The following KIFC1 variants were observed in gnomAD, a reference collection of about 807,000 sequenced individuals.
KIFC1 encodes the protein kinesin-like protein KIFC1.
KIFC1 carries 37 observed loss-of-function variants against 66.6 expected under a neutral mutation model. That is an observed-to-expected ratio of 0.56 (90% CI 0.43 to 0.73). The LOEUF is 0.73. Ranked by LOEUF, KIFC1 falls within the 30% of genes least tolerant of loss-of-function variation. The probability of loss-of-function intolerance (pLI) is 0.00; values close to 1 mark genes in which losing one functional copy is unlikely to be tolerated. For synonymous variants in KIFC1, 325 were observed against 343.5 expected, an observed-to-expected ratio of 0.95 and a Z score of 0.60; for missense variants, 721 against 859.8, an observed-to-expected ratio of 0.84 and a Z score of 2.02.
intron 10 of KIFC1, among the ~76,000 whole-genome samples, chr6:33,409,082 C>G (rs1419204852): frequency 2.0e-5 from 3 of 152,174 alleles, no homozygotes; most frequent in African/African-American, 7.2e-5. Context: ...GGCAGAATGG[C>G]TTGAACCCGG....
chr6:33,409,419 T>G (rs1169644218), intron 10 of KIFC1, among the ~76,000 whole-genome samples: 3 of 152,194 alleles, frequency 2.0e-5, no homozygotes, highest in Admixed American at 6.5e-5. Flanking sequence ...TCTCTGCTCC[T>G]GTATTTTCTT....
intron 3 of KIFC1, among the ~76,000 whole-genome samples, chr6:33,399,895 C>A (rs1009956161): frequency 6.6e-6 from 1 of 152,082 alleles, no homozygotes; most frequent in African/African-American, 2.4e-5. Context: ...AAAAATAGTT[C>A]TTTTATAATA....
rs764126867 is a variant in KIFC1 at position 33,405,029 on chromosome 6, C to T, written c.934C>T (p.Arg312Cys). The T allele has an allele frequency of 2.5e-6, 4 of 1,614,144 alleles. No individual in the cohort carries two copies. Among genetic ancestry groups the T allele is most frequent in the African/African-American group, 1.3e-5 (1 of 75,040 alleles). ...GCTGCAGGAACTCAAGGGCAACATC[C>T]GTGTATTCTGCCGGGTCCGCCCTGT... is the stretch of plus-strand genomic sequence containing the variant. The part of the protein sequence containing the change: ...NQLQELKGNI[R>C]VFCRVRPVLP... The change falls in exon 7 of 11, where the codon CGT (arginine) becomes TGT (cysteine). Residue 312 changes from arginine to cysteine, a missense_variant. Physicochemically the swap from Arg to Cys is radical, Grantham distance 180 (BLOSUM62 -3). Coordinates refer to ENST00000428849, the MANE Select transcript of KIFC1 (RefSeq NM_002263.4). The surrounding 1 kb of genome is among the most constrained non-coding windows in gnomAD (Gnocchi z 5.4).
At chr6:33,398,706 T>G (rs928269314) in intron 3 of KIFC1, among the ~76,000 whole-genome samples, 2 of 152,156 alleles carry the variant, frequency 1.3e-5, no homozygotes, top group Non-Finnish European at 2.9e-5. Context: ...CCTCAGGTGA[T>G]CCACCCGCCT....
Position 33,405,592 on chromosome 6 carries a change from C to T in KIFC1, c.1497C>T (p.Val499=), listed in dbSNP as rs576528702. ...RAGPGSEELT[V]TNARYVPVSC... ...GGCCAGGGAGTGAGGAGCTCACTGTCACCAATGCTCGATATGTCCCTGTCT... is the reference window on the plus strand; with the variant it reads ...GGCCAGGGAGTGAGGAGCTCACTGTTACCAATGCTCGATATGTCCCTGTCT... The change falls in exon 7 of 11, where the codon GTC becomes GTT. Residue 499 remains valine (V), a synonymous_variant. Coordinates refer to ENST00000428849, the MANE Select transcript of KIFC1 (RefSeq NM_002263.4). The surrounding 1 kb of genome is among the most constrained non-coding windows in gnomAD (Gnocchi z 5.4). 2.4e-5 allele frequency: 37 copies of T among 1,545,668 alleles called. No individual in the cohort carries two copies. The East Asian group carries it at 7.4e-4, about 31-fold the overall frequency.
intron 1 of KIFC1, among the ~76,000 whole-genome samples, chr6:33,394,531 G>T (rs1774937556): frequency 6.6e-6 from 1 of 152,120 alleles, no homozygotes; most frequent in Non-Finnish European, 1.5e-5. Flanking sequence ...GCCCAGGCTG[G>T]AGTGCAGTGG....
rs1455295762 is a variant in KIFC1, at chr6:33,400,971, TAAC to T, written c.251-2339_251-2337del. On this transcript the variant is annotated intron_variant, in intron 3 of 10. Coordinates refer to ENST00000428849, the MANE Select transcript of KIFC1 (RefSeq NM_002263.4). This position sits in a 1 kb window ranked among gnomAD's most constrained non-coding sequence, Gnocchi z 4.3. ...CCGGCTAACTTTTTGACTCTTGTAA[TAAC>T]AACTGAAAACACAAACATTGTATAG... Among the ~76,000 whole-genome samples the T allele has an allele frequency of 1.3e-5, 2 of 152,160 alleles. No homozygotes were observed. Among genetic ancestry groups the T allele is most frequent in the African/African-American group, 4.8e-5 (2 of 41,432 alleles).
chr6:33,397,929 TTGG>T, intron 1 of KIFC1, 97 bp from the exon 2 acceptor site: 8 of 1,273,440 alleles, frequency 6.3e-6, no homozygotes, highest in Non-Finnish European at 9.0e-6. Context: ...TGCTCAGTGC[TTGG>T]TGGTGGTGTT....
At position 33,409,752 on chromosome 6, in the gene KIFC1, T is replaced by TGG; in HGVS notation, c.*63_*64insGG. On this transcript the variant is annotated 3_prime_UTR_variant, in exon 11 of 11. Transcript: ENST00000428849. ...GTGTGTGTGTGTGTGTGTGTGTGTG[T>TGG]GTCCCTATGTCTATGTATCGGGTGA... The TGG allele has an allele frequency of 7.0e-7, 1 of 1,422,038 alleles. No homozygotes were observed. The highest frequency in any genetic ancestry group is 9.7e-7 in the Non-Finnish European group (1 of 1,026,894). 88.1% of individuals were successfully genotyped at this position (1,422,038 alleles called of 1,614,324 possible). A position where few individuals can be genotyped will look rare whatever the true frequency, so the allele number is the denominator to read the frequency against.
chr6:33,409,703 A>ATG lies in KIFC1; in HGVS notation c.*14_*15insGT, dbSNP rs1554300493. 5.3e-6 allele frequency: 7 copies of ATG among 1,332,552 alleles called. No individual in the cohort carries two copies. In the African/African-American group the frequency reaches 1.1e-4, roughly 21 times the overall value. 82.5% of individuals were successfully genotyped at this position (1,332,552 alleles called of 1,614,324 possible). A position where few individuals can be genotyped will look rare whatever the true frequency, so the allele number is the denominator to read the frequency against. On this transcript the variant is annotated 3_prime_UTR_variant, in exon 11 of 11. Coordinates refer to ENST00000428849, the MANE Select transcript of KIFC1 (RefSeq NM_002263.4). ...CAACAGGAAGTGAAGACGGATCCAG[A>ATG]TCTGTGTGTGTGTGTGTGTGTGTGT... is the stretch of plus-strand genomic sequence containing the variant.
chr6:33,404,780 T>C lies in KIFC1; in HGVS notation c.757-72T>C. 1 of 1,444,410 alleles carries C rather than the reference T, an allele frequency of 6.9e-7. No individual in the cohort carries two copies. The allele number at this position is 1,444,410 out of a possible 1,614,324, so 89.5% of individuals were successfully genotyped here. On this transcript the variant is annotated intron_variant, in intron 6 of 10. Coordinates refer to ENST00000428849, the MANE Select transcript of KIFC1 (RefSeq NM_002263.4). This position sits in a 1 kb window ranked among gnomAD's most constrained non-coding sequence, Gnocchi z 4.0. The stretch of plus-strand genomic sequence containing the variant: ...AGGGACCTCACTTCCACCCACTCCA[T>C]ACGCCCCACAGTTTGTTCTTCTTCT...
rs142110898 is a variant in KIFC1, at chr6:33,404,912, C to T, written c.817C>T (p.Arg273Trp). ...SSSQAEVASL[R>W]QETVAQAALL... ...CAGCCAAGCAGAGGTGGCATCTCTG[C>T]GGCAGGAGACTGTGGCCCAGGCAGC... The change falls in exon 7 of 11, where the codon CGG becomes TGG. Residue 273 changes from arginine (R) to tryptophan (W), a missense_variant. Coordinates refer to ENST00000428849, the MANE Select transcript of KIFC1 (RefSeq NM_002263.4). The surrounding 1 kb of genome is among the most constrained non-coding windows in gnomAD (Gnocchi z 4.0). 5,580 of 1,613,996 alleles carry T rather than the reference C, an allele frequency of 3.5e-3. 18 individuals carry two copies. Among genetic ancestry groups the T allele is most frequent in the Middle Eastern group, 9.4e-3 (57 of 6,062 alleles).
In KIFC1 at chr6:33,405,062, G is replaced by A; in HGVS notation, c.967G>A (p.Gly323Arg). The change falls in exon 7 of 11, where the codon GGG (glycine) becomes AGG (arginine). Residue 323 changes from glycine to arginine, a missense_variant. Transcript: ENST00000428849. The surrounding 1 kb of genome is among the most constrained non-coding windows in gnomAD (Gnocchi z 5.4). ...VFCRVRPVLP[G>R]EPTPPPGLLL... ...CTGCCGGGTCCGCCCTGTCCTGCCG[G>A]GGGAGCCCACTCCACCCCCTGGCCT... The A allele has an allele frequency of 6.2e-7, 1 of 1,614,072 alleles. No homozygotes were observed. The highest frequency in any genetic ancestry group is 8.5e-7 in the Non-Finnish European group (1 of 1,179,982).
At chr6:33,397,903 C>A in intron 1 of KIFC1, 126 bp from the exon 2 acceptor site, 1 of 988,098 alleles carries the variant, frequency 1.0e-6, no homozygotes, top group Non-Finnish European at 1.5e-6. Flanking sequence ...CATAATTCAG[C>A]TTTTGGCACA....
chr6:33,407,457 C>G (rs993079611), intron 10 of KIFC1, among the ~76,000 whole-genome samples: 2 of 152,154 alleles, frequency 1.3e-5, no homozygotes, highest in Admixed American at 1.3e-4. Context: ...TATCAGCATA[C>G]AGAGATCATT....
Position 33,405,365 on chromosome 6 carries a change from C to T in KIFC1, c.1270C>T (p.Pro424Ser), listed in dbSNP as rs1187849719. The change falls in exon 7 of 11, where the codon CCT becomes TCT. Residue 424 changes from proline to serine, a missense_variant. Coordinates refer to ENST00000428849, the MANE Select transcript of KIFC1 (RefSeq NM_002263.4). This position sits in a 1 kb window ranked among gnomAD's most constrained non-coding sequence, Gnocchi z 5.4. Reference sequence around the variant, plus strand: ...CAAGACCTTCACAATGGAGGGTGGGCCTGGGGGAGACCCCCAGTTGGAGGG... The same window carrying T: ...CAAGACCTTCACAATGGAGGGTGGGTCTGGGGGAGACCCCCAGTTGGAGGG... ...SGKTFTMEGG[P>S]GGDPQLEGLI... 1 of 1,611,030 alleles carries T rather than the reference C, an allele frequency of 6.2e-7. No individual in the cohort carries two copies.
intron 1 of KIFC1, among the ~76,000 whole-genome samples, chr6:33,392,799 T>C (rs1395084403): frequency 1.3e-5 from 2 of 152,218 alleles, no homozygotes; most frequent in Non-Finnish European, 2.9e-5. Flanking sequence ...AGTAGTATTA[T>C]GTGACAGTAA....
intron 3 of KIFC1, among the ~76,000 whole-genome samples, chr6:33,402,196 C>T (rs906111012): frequency 6.6e-6 from 1 of 152,098 alleles, no homozygotes; most frequent in Admixed American, 6.5e-5. Flanking sequence ...ATACAACTGG[C>T]AGTGCATTAG....
intron 1 of KIFC1, among the ~76,000 whole-genome samples, chr6:33,396,040 T>G (rs2151082756): frequency 6.6e-6 from 1 of 152,344 alleles, no homozygotes; most frequent in South Asian, 2.1e-4. Flanking sequence ...TATATAGTTA[T>G]GAACAAAACA....
Sources: allele counts gnomAD v4.1 joint callset (sites outside exome capture counted in the v4.1 genomes callset), GRCh38; gene constraint gnomAD v4.1.1; non-coding constraint Gnocchi (gnomAD v3.1); transcripts MANE v1.5; gene names NCBI Gene and HGNC (gene_info 2026-07-23, HGNC 2026-07-21).